The following OTUD7A variants were observed in gnomAD, a reference collection of about 807,000 sequenced individuals.
The protein encoded by OTUD7A is OTU deubiquitinase 7A, also known as OTU domain-containing protein 7A.
A neutral mutation model predicts 65.7 loss-of-function variants in OTUD7A; 12 were observed. The ratio of observed to expected loss-of-function variants is 0.18; its 90% CI spans 0.12 to 0.30. The LOEUF (loss-of-function observed/expected upper bound fraction) is 0.30, where lower values mean the gene tolerates loss of function less well. OTUD7A is among the 10% of genes least tolerant of loss of function. The pLI, the probability that OTUD7A is intolerant of heterozygous loss-of-function variation, is 1.00. For synonymous variants in OTUD7A, 641 were observed against 586.3 expected (o/e 1.09, Z -1.35); for missense variants, 1,148 against 1,304.8 (o/e 0.88, Z 1.85).
chr15:31,503,612 G>T, intron 9 of OTUD7A, 79 bp downstream of exon 9: 1 of 1,580,144 alleles, frequency 6.3e-7, no homozygotes. Context: ...GCTCGACCTT[G>T]TGCTGTGCTA....
chr15:31,860,677 G>GTATATATATA lies in OTUD7A; in HGVS notation c.-100+9820_-100+9829dup, dbSNP rs1555425282. Among the ~76,000 whole-genome samples, 84 of 73,272 alleles carry GTATATATATA rather than the reference G, an allele frequency of 1.1e-3. 1 individual carries two copies. Among genetic ancestry groups the GTATATATATA allele is most frequent in the East Asian group, 1.8e-3 (4 of 2,248 alleles). The allele number at this position is 73,272 out of a possible 152,430, so 48.1% of individuals were successfully genotyped here. A position where few individuals can be genotyped will look rare whatever the true frequency, so the allele number is the denominator to read the frequency against. On this transcript the variant is annotated intron_variant, in intron 1 of 12. Coordinates refer to ENST00000307050, the MANE Select transcript of OTUD7A (RefSeq NM_001382637.1). Reference sequence around the variant, plus strand: ...TGTGTGTATATATAGATGTATGTGTGTATATATATATATATATATATATGT... The same window carrying GTATATATATA: ...TGTGTGTATATATAGATGTATGTGTGTATATATATATATATATATATATATATATATATGT...
At chr15:31,723,394 A>ACCCCCCCCC (rs56722732) in intron 1 of OTUD7A, among the ~76,000 whole-genome samples, 1 of 44,786 alleles carries the variant, frequency 2.2e-5, no homozygotes, top group Admixed American at 2.7e-4. Flanking sequence ...ACCGCACGCC[A>ACCCCCCCCC]CCCCCCCCCC....
At chr15:31,489,610 C>G (rs924297351) in intron 10 of OTUD7A, among the ~76,000 whole-genome samples, 2 of 152,212 alleles carry the variant, frequency 1.3e-5, no homozygotes, top group Non-Finnish European at 2.9e-5. Context: ...TCTCCCCACT[C>G]CCCTTCCATG....
At chr15:31,485,671 T>C (rs549441552) in intron 12 of OTUD7A, among the ~76,000 whole-genome samples, 41 of 152,294 alleles carry the variant, frequency 2.7e-4, no homozygotes, top group African/African-American at 8.9e-4. Flanking sequence ...CCGAGTGTCA[T>C]TGGACGAGAG....
chr15:31,638,425 A>G (rs1318490646), intron 3 of OTUD7A, among the ~76,000 whole-genome samples: 1 of 146,476 alleles, frequency 6.8e-6, no homozygotes, highest in African/African-American at 2.6e-5. Flanking sequence ...TGTCACCCAG[A>G]CTGGAGTAGA....
At chr15:31,632,012 A>C (rs8036561) in intron 3 of OTUD7A, among the ~76,000 whole-genome samples, 34,883 of 151,794 alleles carry the variant, frequency 0.23, 4,161 homozygotes, top group African/African-American at 0.27. Context: ...CAAAGTTTTT[A>C]ACTTCTTTGC....
chr15:31,562,574 T>G (rs1250779099), intron 4 of OTUD7A, among the ~76,000 whole-genome samples: 1 of 152,192 alleles, frequency 6.6e-6, no homozygotes, highest in South Asian at 2.1e-4. Context: ...CTGGGCCTCC[T>G]GTTTCCAAGG....
chr15:31,483,050 C>T lies in OTUD7A; in HGVS notation c.*244G>A, dbSNP rs2041154836. The T allele has an allele frequency of 1.0e-5, 2 of 191,480 alleles. No homozygotes were observed. Among genetic ancestry groups the T allele is most frequent in the Non-Finnish European group, 2.0e-5 (2 of 100,094 alleles). 11.9% of individuals were successfully genotyped at this position (191,480 alleles called of 1,614,324 possible). A position where few individuals can be genotyped will look rare whatever the true frequency, so the allele number is the denominator to read the frequency against. On this transcript the variant is annotated 3_prime_UTR_variant, in exon 13 of 13. Coordinates refer to ENST00000307050, the MANE Select transcript of OTUD7A (RefSeq NM_001382637.1). Reference sequence around the variant, plus strand: ...AATGGCTATTGAGTTTCCACAGGTACGAGGCAGATGCTAGGCTAGCACACC... The same window carrying T: ...AATGGCTATTGAGTTTCCACAGGTATGAGGCAGATGCTAGGCTAGCACACC...
At chr15:31,579,392 T>C (rs1408310221) in intron 3 of OTUD7A, among the ~76,000 whole-genome samples, 1 of 152,230 alleles carries the variant, frequency 6.6e-6, no homozygotes, top group Non-Finnish European at 1.5e-5. Flanking sequence ...TTGGGGCCAC[T>C]ATTAAGTAAA....
chr15:31,631,810 T>C (rs1221112192), intron 3 of OTUD7A, among the ~76,000 whole-genome samples: 1 of 151,206 alleles, frequency 6.6e-6, no homozygotes, highest in Non-Finnish European at 1.5e-5. Context: ...TTTTCTCTAA[T>C]CTTCCCTTCT....
intron 1 of OTUD7A, among the ~76,000 whole-genome samples, chr15:31,799,554 T>C (rs188504688): frequency 9.2e-4 from 140 of 152,256 alleles, no homozygotes; most frequent in African/African-American, 3.3e-3. Context: ...TCCACGTGCA[T>C]GCTTAGGAGA....
chr15:31,489,957 T>C (rs914236409), intron 10 of OTUD7A, among the ~76,000 whole-genome samples: 8 of 152,232 alleles, frequency 5.3e-5, no homozygotes, highest in African/African-American at 1.9e-4. Flanking sequence ...GGCCAGGTAC[T>C]GAGAGGCTCT....
intron 1 of OTUD7A, among the ~76,000 whole-genome samples, chr15:31,762,822 T>C (rs1393413079): frequency 2.0e-5 from 3 of 152,060 alleles, no homozygotes; most frequent in Admixed American, 1.3e-4. Context: ...ATTCCAAATG[T>C]CCAGGATTCA....
At chr15:31,842,892 G>A (rs1331856461) in intron 1 of OTUD7A, among the ~76,000 whole-genome samples, 3 of 152,092 alleles carry the variant, frequency 2.0e-5, no homozygotes, top group Non-Finnish European at 2.9e-5. Flanking sequence ...AACCCCAAAT[G>A]CCAGTGTGAC....
At chr15:31,748,015 A>T (rs1894525680) in intron 1 of OTUD7A, among the ~76,000 whole-genome samples, 1 of 152,174 alleles carries the variant, frequency 6.6e-6, no homozygotes, top group African/African-American at 2.4e-5. Context: ...AAGGCTTAGG[A>T]TCTGCTCCAG....
intron 1 of OTUD7A, among the ~76,000 whole-genome samples, chr15:31,753,706 A>ATATATATATAT (rs1894717305): frequency 1.4e-5 from 1 of 70,760 alleles, no homozygotes; most frequent in African/African-American, 7.3e-5. Context: ...TATATATTAT[A>ATATATATATAT]TATATATATA....
intron 10 of OTUD7A, among the ~76,000 whole-genome samples, chr15:31,496,465 G>A (rs944148791): frequency 5.9e-5 from 9 of 151,964 alleles, no homozygotes; most frequent in Admixed American, 4.6e-4. Context: ...CTCGTGATCC[G>A]CCTGCCTCAG....
chr15:31,640,836 A>C (rs974167291), intron 3 of OTUD7A, among the ~76,000 whole-genome samples: 2 of 152,020 alleles, frequency 1.3e-5, no homozygotes, highest in Non-Finnish European at 2.9e-5. Context: ...CCCTTTGTGC[A>C]TATGTGTGTG....
intron 1 of OTUD7A, among the ~76,000 whole-genome samples, chr15:31,832,136 G>A (rs1039542974): frequency 1.3e-4 from 20 of 152,210 alleles, no homozygotes; most frequent in African/African-American, 4.8e-4. Context: ...TGAGAACCTG[G>A]GCCAGTGTTG....
Sources: gnomAD v4.1 joint callset for allele counts (sites outside exome capture counted in the v4.1 genomes callset) on GRCh38, gnomAD v4.1.1 for gene constraint, MANE v1.5 for transcripts, NCBI Gene and HGNC (gene_info 2026-07-23, HGNC 2026-07-21) for gene names.